The following RELT variants were observed in gnomAD, a reference collection of about 807,000 sequenced individuals.
The protein encoded by RELT is RELT TNF receptor.
In RELT, 37 loss-of-function variants were observed where a neutral mutation model predicts 51.1. The ratio of observed to expected loss-of-function variants is 0.72; its 90% CI spans 0.56 to 0.95. RELT has a LOEUF of 0.95. Among genes scored for constraint, RELT ranks in the 40% least tolerant of loss-of-function variants. The pLI is 0.00. For synonymous variants in RELT, 241 were observed against 235.7 expected, an observed-to-expected ratio of 1.02 and a Z score of -0.21; for missense variants, 535 against 572.6, an observed-to-expected ratio of 0.93 and a Z score of 0.67.
rs779543565 is a variant in RELT at position 73,392,327 on chromosome 11, C to T, written c.484C>T (p.Gln162Ter). Residue 162 changes from glutamine to a stop codon, truncating the protein, a stop_gained, in exon 6 of 11, where the codon CAG (glutamine) becomes TAG (stop). Coordinates refer to ENST00000064780, the MANE Select transcript of RELT (RefSeq NM_152222.2). LOFTEE classifies it high-confidence loss of function. ...AGGTGGCCCAGAGGAGACAGCCGCCCAGTACGCGGTCATCGCCATCGTCCC... is the reference window on the plus strand; with the variant it reads ...AGGTGGCCCAGAGGAGACAGCCGCCTAGTACGCGGTCATCGCCATCGTCCC... ...RAGGPEETAAQYAVIAIVPVF... is the reference protein window; with the variant it reads ...RAGGPEETAA 3 of 1,613,574 alleles carry T rather than the reference C, an allele frequency of 1.9e-6. No individual in the cohort carries two copies. Among genetic ancestry groups the T allele is most frequent in the African/African-American group, 2.7e-5 (2 of 74,928 alleles).
In RELT at chr11:73,395,539, G is replaced by A. The variant is rs768264998; in HGVS notation, c.*48G>A. The A allele has an allele frequency of 2.3e-5, 18 of 780,944 alleles. No individual in the cohort carries two copies. Among genetic ancestry groups the A allele is most frequent in the South Asian group, 2.0e-4 (15 of 74,622 alleles). The allele number at this position is 780,944 out of a possible 1,614,324, so 48.4% of individuals were successfully genotyped here. On this transcript the variant is annotated 3_prime_UTR_variant, in exon 11 of 11. Transcript: ENST00000064780. ...CTGCGGCCCTGCCCTGGGAGGTTCC[G>A]AAGGCTTCCTGGAGGAGGTGGAGCT...
intron 6 of RELT, chr11:73,393,543 T>C: frequency 7.5e-7 from 1 of 1,336,644 alleles, no homozygotes; most frequent in Non-Finnish European, 9.7e-7. Context: ...CAGAAGACGC[T>C]GACGCACCGC....
chr11:73,390,696 GC>G (rs762298750), intron 3 of RELT, 58 bp from the exon 4 acceptor site: 4 of 1,609,046 alleles, frequency 2.5e-6, no homozygotes, highest in East Asian at 2.2e-5. Flanking sequence ...CCTGTGCCTG[GC>G]CCCCAAGGGT....
In RELT at chr11:73,394,410, C is replaced by G; in HGVS notation, c.789-67C>G. The G allele has an allele frequency of 6.2e-7, 1 of 1,608,640 alleles. No individual in the cohort carries two copies. Among genetic ancestry groups the G allele is most frequent in the Non-Finnish European group, 8.5e-7 (1 of 1,176,180 alleles). On this transcript the variant is annotated intron_variant, in intron 8 of 10. Transcript: ENST00000064780. The surrounding 1 kb of genome is among the most constrained non-coding windows in gnomAD (Gnocchi z 4.9). ...CCACTTGGGTCTCCCTCAAGTCACC[C>G]TGTTCCCTGCTGGGGTCTCCTGCCC...
chr11:73,395,377 G>A lies in RELT; in HGVS notation c.1246-67G>A, dbSNP rs928002011. On this transcript the variant is annotated intron_variant, in intron 10 of 10. Transcript: ENST00000064780. ...TGGAAGTGCAGCGGGCCCTAGGCAGGGGCCACTTTCCTGGAGCCAGAAGCC... is the reference window on the plus strand; with the variant it reads ...TGGAAGTGCAGCGGGCCCTAGGCAGAGGCCACTTTCCTGGAGCCAGAAGCC... The A allele has an allele frequency of 9.7e-6, 14 of 1,438,602 alleles. No homozygotes were observed. The Admixed American group carries it at 1.8e-4, about 19-fold the overall frequency. The allele number at this position is 1,438,602 out of a possible 1,614,324, so 89.1% of individuals were successfully genotyped here.
At chr11:73,395,373 G>C (rs1473987492) in intron 10 of RELT, 71 bp from the exon 11 acceptor site, 1 of 1,449,634 alleles carries the variant, frequency 6.9e-7, no homozygotes, top group Non-Finnish European at 9.7e-7. Flanking sequence ...CGGGCCCTAG[G>C]CAGGGGCCAC....
chr11:73,377,840 G>C (rs541014756), intron 1 of RELT, among the ~76,000 whole-genome samples: 1 of 152,254 alleles, frequency 6.6e-6, no homozygotes, highest in South Asian at 2.1e-4. Flanking sequence ...GACTGCAGTG[G>C]GGGGTGGGGG....
Position 73,388,083 on chromosome 11 carries a change from C to T in RELT, c.-25-1029C>T, listed in dbSNP as rs1370480036. Among the ~76,000 whole-genome samples the T allele has an allele frequency of 6.6e-6, 1 of 152,202 alleles. No homozygotes were observed. The highest frequency in any genetic ancestry group is 1.5e-5 in the Non-Finnish European group (1 of 68,028). The stretch of plus-strand genomic sequence containing the variant: ...CCTCGTCCACTGGCCGGAGGCTTCT[C>T]CAGAGCAGGCCACCGTCTGGGCCTG... On this transcript the variant is annotated intron_variant, in intron 1 of 10. Transcript: ENST00000064780. The surrounding 1 kb of genome is among the most constrained non-coding windows in gnomAD (Gnocchi z 4.1).
chr11:73,394,777 C>T lies in RELT; in HGVS notation c.1046+43C>T. On this transcript the variant is annotated intron_variant, in intron 9 of 10. Transcript: ENST00000064780. This position sits in a 1 kb window ranked among gnomAD's most constrained non-coding sequence, Gnocchi z 4.9. ...GCAGCAGGGGCAGGTAAAGACGTGA[C>T]AGCCTGGGGGCCGGGAGGGGGAGGC... 1 of 1,587,842 alleles carries T rather than the reference C, an allele frequency of 6.3e-7. No homozygotes were observed. Among genetic ancestry groups the T allele is most frequent in the Non-Finnish European group, 8.5e-7 (1 of 1,170,064 alleles).
rs1866315986 is a variant in RELT, at chr11:73,396,120, G to A, written c.*629G>A. ...CTGGGCTGGGTTGTGGGGGACTGGG[G>A]AGCTGGGCTCTACCATCCCTCCCAT... On this transcript the variant is annotated 3_prime_UTR_variant, in exon 11 of 11. Transcript: ENST00000064780. 1 of 153,070 alleles carries A rather than the reference G, an allele frequency of 6.5e-6. No homozygotes were observed. Among genetic ancestry groups the A allele is most frequent in the African/African-American group, 2.4e-5 (1 of 41,460 alleles). 9.5% of individuals were successfully genotyped at this position (153,070 alleles called of 1,614,324 possible).
intron 1 of RELT, among the ~76,000 whole-genome samples, chr11:73,383,526 C>G (rs1866079667): frequency 6.6e-6 from 1 of 152,238 alleles, no homozygotes; most frequent in Non-Finnish European, 1.5e-5. Context: ...AGTTGAGCCA[C>G]CTACTGGGTG....
intron 1 of RELT, among the ~76,000 whole-genome samples, chr11:73,386,827 G>C (rs1233840427): frequency 6.6e-6 from 1 of 152,196 alleles, no homozygotes; most frequent in African/African-American, 2.4e-5. Context: ...GCTCTCTGCT[G>C]TGGTTGCTTG....
chr11:73,384,136 C>T (rs1171146370), intron 1 of RELT, among the ~76,000 whole-genome samples: 1 of 152,202 alleles, frequency 6.6e-6, no homozygotes. Context: ...AGTGCGGCCT[C>T]TCTTAGCAGG....
chr11:73,394,943 G>A lies in RELT; in HGVS notation c.1047-144G>A, dbSNP rs1866287260. Reference sequence around the variant, plus strand: ...CACATGGAGCCCTTGCATCCCTAGGGCAGCATCTTGGCCCCCATGGCACCC... The same window carrying A: ...CACATGGAGCCCTTGCATCCCTAGGACAGCATCTTGGCCCCCATGGCACCC... On this transcript the variant is annotated intron_variant, in intron 9 of 10. Transcript: ENST00000064780. The surrounding 1 kb of genome is among the most constrained non-coding windows in gnomAD (Gnocchi z 4.9). 1 of 908,830 alleles carries A rather than the reference G, an allele frequency of 1.1e-6. No individual in the cohort carries two copies. The highest frequency in any genetic ancestry group is 2.3e-5 in the Admixed American group (1 of 43,540). 56.3% of individuals were successfully genotyped at this position (908,830 alleles called of 1,614,324 possible).
chr11:73,383,166 T>G (rs1012233398), intron 1 of RELT, among the ~76,000 whole-genome samples: 4 of 152,128 alleles, frequency 2.6e-5, no homozygotes, highest in Non-Finnish European at 5.9e-5. Flanking sequence ...CCCATCGTGG[T>G]GACCTGGGAG....
At chr11:73,393,281 C>G (rs1866248945) in intron 6 of RELT, 7 of 1,018,746 alleles carry the variant, frequency 6.9e-6, no homozygotes, top group African/African-American at 1.7e-5. Flanking sequence ...AGAGACTTCC[C>G]TTTAACTGCT....
rs1458258294 is a variant in RELT, at chr11:73,388,985, C to T, written c.-25-127C>T. The T allele has an allele frequency of 4.7e-6, 3 of 642,330 alleles. No homozygotes were observed. The highest frequency in any genetic ancestry group is 1.8e-5 in the African/African-American group (1 of 54,666). 39.8% of individuals were successfully genotyped at this position (642,330 alleles called of 1,614,324 possible). ...CGGGTGTGGAGCCGGCCTCCCCGGGCTCTGCCTGCCCAGCAGCACCTTGCC... is the reference window on the plus strand; with the variant it reads ...CGGGTGTGGAGCCGGCCTCCCCGGGTTCTGCCTGCCCAGCAGCACCTTGCC... On this transcript the variant is annotated intron_variant, in intron 1 of 10. Transcript: ENST00000064780. The surrounding 1 kb of genome is among the most constrained non-coding windows in gnomAD (Gnocchi z 4.1).
chr11:73,395,279 G>A lies in RELT; in HGVS notation c.1239G>A (p.Lys413=), dbSNP rs1257229872. Residue 413 remains lysine, a synonymous_variant, in exon 10 of 11, where the codon AAG becomes AAA. Coordinates refer to ENST00000064780, the MANE Select transcript of RELT (RefSeq NM_152222.2). Reference sequence around the variant, plus strand: ...GGCTGAAGCCCCCAGCAGAGAACAAGGCCGAGGTGAGAGTCAAGGAGAAAG... The same window carrying A: ...GGCTGAAGCCCCCAGCAGAGAACAAAGCCGAGGTGAGAGTCAAGGAGAAAG... ...TKWLKPPAEN[K]AEENRYVVRL... The A allele has an allele frequency of 6.2e-7, 1 of 1,612,866 alleles. No individual in the cohort carries two copies. Among genetic ancestry groups the A allele is most frequent in the African/African-American group, 1.3e-5 (1 of 75,062 alleles).
intron 1 of RELT, among the ~76,000 whole-genome samples, chr11:73,385,295 G>A (rs1461502801): frequency 6.6e-6 from 1 of 152,214 alleles, no homozygotes; most frequent in Non-Finnish European, 1.5e-5. Context: ...GCTGCCTGTG[G>A]CCTGGGCTGG....
Sources: gnomAD v4.1 joint callset for allele counts (sites outside exome capture counted in the v4.1 genomes callset) on GRCh38, gnomAD v4.1.1 for gene constraint, Gnocchi (gnomAD v3.1) non-coding constraint, MANE v1.5 for transcripts, NCBI Gene and HGNC (gene_info 2026-07-23, HGNC 2026-07-21) for gene names.